Variants in PLCB4 observed in about 807,000 individuals in gnomAD.
PLCB4 encodes the protein 1-phosphatidylinositol 4,5-bisphosphate phosphodiesterase beta-4.
PLCB4 carries 77 observed loss-of-function variants against 178.8 expected under a neutral mutation model. That is an observed-to-expected ratio of 0.43 (90% CI 0.36 to 0.52). PLCB4 has a LOEUF of 0.52. Among genes scored for constraint, PLCB4 ranks in the 20% least tolerant of loss-of-function variants. The probability of loss-of-function intolerance (pLI) is 0.00; values close to 1 mark genes in which losing one functional copy is unlikely to be tolerated. For missense variants in PLCB4, 1,024 were observed against 1,453.4 expected (o/e 0.70, Z 4.80); for synonymous variants, 496 against 490.8 (o/e 1.01, Z -0.14).
intron 2 of PLCB4, among the ~76,000 whole-genome samples, chr20:9,106,269 T>C (rs2091357885): frequency 6.6e-6 from 1 of 151,758 alleles, no homozygotes; most frequent in South Asian, 2.1e-4. Flanking sequence ...GTAATTGTGG[T>C]TTTTTGCATC....
chr20:9,359,735 A>G (rs2035155943), intron 7 of PLCB4, among the ~76,000 whole-genome samples: 1 of 152,196 alleles, frequency 6.6e-6, no homozygotes, highest in South Asian at 2.1e-4. Context: ...GACACTATGT[A>G]GATGATTACC....
intron 2 of PLCB4, among the ~76,000 whole-genome samples, chr20:9,112,183 C>A (rs1212777750): frequency 6.6e-6 from 1 of 151,804 alleles, no homozygotes; most frequent in East Asian, 1.9e-4. Context: ...GAAGAGAAGG[C>A]CTTTTACAGT....
chr20:9,463,066 C>G (rs188293219), intron 35 of PLCB4, among the ~76,000 whole-genome samples: 119 of 152,286 alleles, frequency 7.8e-4, no homozygotes, highest in Admixed American at 1.7e-3. Flanking sequence ...AACAGCGGAC[C>G]TCTCGGCAGA....
chr20:9,227,343 ACTTTT>A (rs914864484), intron 3 of PLCB4, among the ~76,000 whole-genome samples: 100 of 150,932 alleles, frequency 6.6e-4, no homozygotes, highest in African/African-American at 2.4e-3. Context: ...TTTTTTTCCC[ACTTTT>A]CTTGTCATAT....
chr20:9,441,678 A>G (rs1237962524), intron 30 of PLCB4, among the ~76,000 whole-genome samples: 1 of 152,152 alleles, frequency 6.6e-6, no homozygotes, highest in Non-Finnish European at 1.5e-5. Context: ...TGGGGAATGT[A>G]TACCCTGACT....
intron 3 of PLCB4, among the ~76,000 whole-genome samples, chr20:9,270,630 T>G (rs1025471878): frequency 3.6e-4 from 55 of 152,272 alleles, no homozygotes; most frequent in African/African-American, 1.2e-3. Context: ...AACATGGATA[T>G]TATGAACCCT....
chr20:9,115,986 A>G (rs1267364911), intron 2 of PLCB4, among the ~76,000 whole-genome samples: 1 of 152,100 alleles, frequency 6.6e-6, no homozygotes, highest in Non-Finnish European at 1.5e-5. Flanking sequence ...TTATAATTTT[A>G]GTACTTTAAC....
rs377008869 is a variant in PLCB4 at position 9,305,043 on chromosome 20, C to G, written c.-15-2757C>G. ...CAAATGCTATCCCGCCCCCCTCCCCCCAACATCCCTGCATTTTCAAACTTC... is the reference window on the plus strand; with the variant it reads ...CAAATGCTATCCCGCCCCCCTCCCCGCAACATCCCTGCATTTTCAAACTTC... On this transcript the variant is annotated intron_variant, in intron 3 of 39. Transcript: ENST00000378473. Among the ~76,000 whole-genome samples the G allele has an allele frequency of 4.6e-4, 54 of 117,996 alleles. No individual in the cohort carries two copies. In the South Asian group the frequency reaches 0.015, roughly 34 times the overall value. 77.4% of individuals were successfully genotyped at this position (117,996 alleles called of 152,430 possible).
At chr20:9,107,726 T>G (rs2091420042) in intron 2 of PLCB4, among the ~76,000 whole-genome samples, 1 of 151,946 alleles carries the variant, frequency 6.6e-6, no homozygotes, top group African/African-American at 2.4e-5. Context: ...TAGGGAGCCT[T>G]TGGAGAATTG....
chr20:9,105,677 A>T (rs984512820), intron 2 of PLCB4, among the ~76,000 whole-genome samples: 4 of 152,130 alleles, frequency 2.6e-5, no homozygotes, highest in African/African-American at 9.6e-5. Flanking sequence ...AATTTAGTAT[A>T]TGATAAGATT....
chr20:9,111,360 A>T (rs6056406), intron 2 of PLCB4, among the ~76,000 whole-genome samples: 76,385 of 151,944 alleles, frequency 0.5, 19,560 homozygotes, highest in Middle Eastern at 0.58. Flanking sequence ...TTTCCTACTT[A>T]ATATATTATG....
chr20:9,307,692 C>T (rs1341550240), intron 3 of PLCB4, 108 bp from the exon 4 acceptor site: 1 of 499,122 alleles, frequency 2.0e-6, no homozygotes. Flanking sequence ...AAACGTATTC[C>T]ACATATTTAA....
At chr20:9,162,829 A>G (rs1488525944) in intron 2 of PLCB4, among the ~76,000 whole-genome samples, 1 of 152,188 alleles carries the variant, frequency 6.6e-6, no homozygotes, top group Non-Finnish European at 1.5e-5. Flanking sequence ...TCTTGTTCTC[A>G]GTAAAAATGT....
chr20:9,194,075 T>C (rs531608010), intron 2 of PLCB4, among the ~76,000 whole-genome samples: 5 of 152,326 alleles, frequency 3.3e-5, no homozygotes, highest in South Asian at 4.1e-4. Flanking sequence ...TTTCGTGTTT[T>C]TAAACAACTG....
At chr20:9,463,429 A>C (rs2043536630) in intron 35 of PLCB4, among the ~76,000 whole-genome samples, 1 of 152,038 alleles carries the variant, frequency 6.6e-6, no homozygotes, top group South Asian at 2.1e-4. Context: ...TTAACCTTAA[A>C]TGTAAATAGG....
At chr20:9,473,558 A>G (rs1431659222) in intron 38 of PLCB4, among the ~76,000 whole-genome samples, 193 bp downstream of exon 38, 1 of 152,222 alleles carries the variant, frequency 6.6e-6, no homozygotes, top group Non-Finnish European at 1.5e-5. Context: ...GCAGGAGCAG[A>G]ATCTGGCTGT....
At chr20:9,243,027 A>G (rs947364829) in intron 3 of PLCB4, among the ~76,000 whole-genome samples, 3 of 152,214 alleles carry the variant, frequency 2.0e-5, no homozygotes, top group Admixed American at 6.5e-5. Context: ...CAGATCATCA[A>G]CAAGTAAATT....
chr20:9,206,715 A>G (rs1019324134), intron 2 of PLCB4, among the ~76,000 whole-genome samples: 1 of 152,216 alleles, frequency 6.6e-6, no homozygotes, highest in Non-Finnish European at 1.5e-5. Flanking sequence ...CCCTGCTTGG[A>G]TGTTCTGAGG....
At chr20:9,468,958 TC>T (rs1259962549) in intron 36 of PLCB4, among the ~76,000 whole-genome samples, 2 of 151,650 alleles carry the variant, frequency 1.3e-5, no homozygotes, top group Non-Finnish European at 1.5e-5. Flanking sequence ...ATAATATAAT[TC>T]TTTTTTTTAT....
Sources: allele counts gnomAD v4.1 joint callset (sites outside exome capture counted in the v4.1 genomes callset), GRCh38; gene constraint gnomAD v4.1.1; transcripts MANE v1.5; gene names NCBI Gene and HGNC (gene_info 2026-07-23, HGNC 2026-07-21).